The following ZNF280D variants were observed in gnomAD, a reference collection of about 807,000 sequenced individuals.
ZNF280D encodes suppressor of hairy wing homolog 4.
In ZNF280D, 39 loss-of-function variants were observed where a neutral mutation model predicts 94.7. The ratio of observed to expected loss-of-function variants is 0.41; its 90% CI spans 0.32 to 0.54. The LOEUF is 0.54. ZNF280D is among the 20% of genes least tolerant of loss of function. The pLI is 0.22. For missense variants in ZNF280D, 1,090 were observed against 1,149.3 expected (o/e 0.95, Z 0.75); for synonymous variants, 398 against 377.6 (o/e 1.05, Z -0.63).
chr15:56,711,989 T>C (rs2057783914), intron 1 of ZNF280D, among the ~76,000 whole-genome samples: 1 of 152,108 alleles, frequency 6.6e-6, no homozygotes, highest in South Asian at 2.1e-4. Flanking sequence ...AATAGGAATT[T>C]TTCAGTCCAT....
At chr15:56,639,009 G>A (rs1790321258) in intron 20 of ZNF280D, among the ~76,000 whole-genome samples, 1 of 151,714 alleles carries the variant, frequency 6.6e-6, no homozygotes, top group African/African-American at 2.4e-5. Context: ...ATAAAGAAAG[G>A]GGCTTGGAGA....
At chr15:56,650,737 C>G (rs570262477) in intron 19 of ZNF280D, among the ~76,000 whole-genome samples, 7 of 152,232 alleles carry the variant, frequency 4.6e-5, no homozygotes, top group African/African-American at 1.7e-4. Flanking sequence ...AAGAAACTTA[C>G]AAAACTCAAA....
At chr15:56,681,304 A>G (rs2055601959) in intron 10 of ZNF280D, among the ~76,000 whole-genome samples, 1 of 152,204 alleles carries the variant, frequency 6.6e-6, no homozygotes, top group African/African-American at 2.4e-5. Context: ...TACCAAGAAT[A>G]AACACAAAAG....
intron 7 of ZNF280D, 60 bp from the exon 8 acceptor site, chr15:56,689,530 G>T: frequency 9.6e-7 from 1 of 1,044,896 alleles, no homozygotes; most frequent in Non-Finnish European, 1.3e-6. Context: ...ATTTACATCT[G>T]AGTAAAAATA....
In ZNF280D at chr15:56,676,205, C is replaced by T. The variant is rs140801365; in HGVS notation, c.1410+465G>A. Among the ~76,000 whole-genome samples the T allele has an allele frequency of 1.9e-3, 286 of 152,138 alleles. 1 individual carries two copies. The Middle Eastern group carries it at 0.031, about 16-fold the overall frequency. On this transcript the variant is annotated intron_variant, in intron 13 of 21. Coordinates refer to ENST00000267807, the MANE Select transcript of ZNF280D (RefSeq NM_017661.4). ...AAAGACAACTCCAGGTCAATGACAA[C>T]ATGTCTTCTCATAATGATAAGGGGT...
At chr15:56,668,414 C>G (rs2054443427) in intron 14 of ZNF280D, among the ~76,000 whole-genome samples, 1 of 152,110 alleles carries the variant, frequency 6.6e-6, no homozygotes, top group South Asian at 2.1e-4. Context: ...CAACAAACAT[C>G]TGAGAACTTA....
At chr15:56,673,972 G>A (rs1202279691) in intron 13 of ZNF280D, among the ~76,000 whole-genome samples, 4 of 151,726 alleles carry the variant, frequency 2.6e-5, no homozygotes, top group Non-Finnish European at 4.4e-5. Context: ...AGTACTTATT[G>A]CCAGCATATA....
intron 13 of ZNF280D, among the ~76,000 whole-genome samples, chr15:56,676,394 T>C (rs556065119): frequency 2.6e-5 from 4 of 152,280 alleles, no homozygotes; most frequent in Non-Finnish European, 2.9e-5. Flanking sequence ...ATCTTTTGGA[T>C]ATTCCACTCA....
At chr15:56,708,138 C>T (rs745966443) in intron 1 of ZNF280D, among the ~76,000 whole-genome samples, 4 of 152,108 alleles carry the variant, frequency 2.6e-5, no homozygotes, top group African/African-American at 9.7e-5. Context: ...CCTTCACTTT[C>T]CTCTTTATCC....
intron 3 of ZNF280D, 115 bp downstream of exon 3, chr15:56,706,967 C>A (rs947798244): frequency 2.8e-5 from 26 of 935,308 alleles, no homozygotes; most frequent in Non-Finnish European, 3.7e-5. Context: ...GTTACTTTAA[C>A]AATTTTAAGC....
At chr15:56,671,651 C>G (rs1341514755) in intron 13 of ZNF280D, among the ~76,000 whole-genome samples, 2 of 151,982 alleles carry the variant, frequency 1.3e-5, no homozygotes, top group Admixed American at 1.3e-4. Context: ...ATTGACTTGG[C>G]TATTCGGGCT....
chr15:56,684,857 T>A (rs531574634), intron 9 of ZNF280D, among the ~76,000 whole-genome samples: 1 of 152,158 alleles, frequency 6.6e-6, no homozygotes, highest in Non-Finnish European at 1.5e-5. Flanking sequence ...AATCCAAATA[T>A]ACAGGTTGAA....
At chr15:56,642,471 C>T (rs1367466643) in intron 20 of ZNF280D, among the ~76,000 whole-genome samples, 2 of 151,654 alleles carry the variant, frequency 1.3e-5, no homozygotes, top group Non-Finnish European at 3.0e-5. Flanking sequence ...TTAGACTGTC[C>T]GGTAAATAAC....
chr15:56,666,916 GCA>G lies in ZNF280D; in HGVS notation c.1614_1615del (p.Ala539PhefsTer11). 1 of 1,613,468 alleles carries G rather than the reference GCA, an allele frequency of 6.2e-7. No homozygotes were observed. The highest frequency in any genetic ancestry group is 8.5e-7 in the Non-Finnish European group (1 of 1,179,714). ...TGGAGGTGAGAGCTGAAGGGTAGAA[GCA>G]CTTGCACTAATGGAAGGTGTAGGTG... On this transcript the variant is annotated frameshift_variant, in exon 15 of 22. Transcript: ENST00000267807. LOFTEE classifies it high-confidence loss of function.
At chr15:56,671,707 T>C (rs1449514330) in intron 13 of ZNF280D, among the ~76,000 whole-genome samples, 1 of 152,126 alleles carries the variant, frequency 6.6e-6, no homozygotes, top group African/African-American at 2.4e-5. Flanking sequence ...CCTAGTTTTG[T>C]GAAGAATGTC....
intron 6 of ZNF280D, chr15:56,699,200 T>G: frequency 5.3e-6 from 1 of 188,364 alleles, no homozygotes; most frequent in Non-Finnish European, 9.9e-6. Context: ...CCAACACAAA[T>G]AAATAAATAA....
chr15:56,658,361 TAA>T, intron 17 of ZNF280D, 61 bp downstream of exon 17: 1 of 1,255,674 alleles, frequency 8.0e-7, no homozygotes, highest in Non-Finnish European at 1.1e-6. Context: ...GCTGTTGTGT[TAA>T]AAAAAATTTA....
At chr15:56,668,475 C>G (rs2054449840) in intron 14 of ZNF280D, among the ~76,000 whole-genome samples, 1 of 152,040 alleles carries the variant, frequency 6.6e-6, no homozygotes, top group African/African-American at 2.4e-5. Context: ...ATAAATAAAA[C>G]ATGATTCCTG....
At chr15:56,670,596 G>A (rs1436879284) in intron 13 of ZNF280D, among the ~76,000 whole-genome samples, 1 of 152,026 alleles carries the variant, frequency 6.6e-6, no homozygotes. Context: ...CACCACTGAT[G>A]GGCATCTAGG....
Sources: allele counts gnomAD v4.1 joint callset (sites outside exome capture counted in the v4.1 genomes callset), GRCh38; gene constraint gnomAD v4.1.1; transcripts MANE v1.5; gene names NCBI Gene and HGNC (gene_info 2026-07-23, HGNC 2026-07-21).